The following CYRIA variants were observed in gnomAD, a reference collection of about 807,000 sequenced individuals.
CYRIA encodes CYFIP-related Rac1 interactor A.
Under a neutral mutation model 43.9 loss-of-function variants are expected in CYRIA, and 15 were observed. That is an observed-to-expected ratio of 0.34 (90% CI 0.23 to 0.53). The LOEUF is 0.53. Among genes scored for constraint, CYRIA ranks in the 20% least tolerant of loss-of-function variants. The pLI is 0.94. For synonymous variants in CYRIA, 117 were observed against 136.0 expected (o/e 0.86, Z 0.97); for missense variants, 236 against 394.2 (o/e 0.60, Z 3.40).
chr2:16,646,826 G>C (rs1213312832), intron 1 of CYRIA, among the ~76,000 whole-genome samples: 3 of 152,180 alleles, frequency 2.0e-5, no homozygotes, highest in Non-Finnish European at 4.4e-5. Context: ...GAATTAAAGG[G>C]GGGGGATTTT....
At chr2:16,558,796 A>G (rs1443182674) in intron 10 of CYRIA, among the ~76,000 whole-genome samples, 1 of 151,806 alleles carries the variant, frequency 6.6e-6, no homozygotes, top group Non-Finnish European at 1.5e-5. Context: ...TGTCCTTGTC[A>G]AGAAATTGTC....
At chr2:16,654,980 G>A (rs569499431) in intron 1 of CYRIA, among the ~76,000 whole-genome samples, 3 of 152,280 alleles carry the variant, frequency 2.0e-5, no homozygotes, top group South Asian at 4.1e-4. Context: ...TGAATCTGAG[G>A]TTTAACAGAT....
At chr2:16,631,701 T>C (rs1302409325) in intron 1 of CYRIA, among the ~76,000 whole-genome samples, 1 of 152,254 alleles carries the variant, frequency 6.6e-6, no homozygotes, top group Non-Finnish European at 1.5e-5. Context: ...AGTATCTATT[T>C]GAATTTCAGC....
At chr2:16,629,097 T>C (rs4832470) in intron 1 of CYRIA, among the ~76,000 whole-genome samples, 76,609 of 151,808 alleles carry the variant, frequency 0.5, 20,093 homozygotes, top group East Asian at 0.81. Context: ...GACAAGCAGA[T>C]GGGAAACCAG....
chr2:16,611,350 A>G (rs551506791), intron 2 of CYRIA, among the ~76,000 whole-genome samples: 1 of 152,264 alleles, frequency 6.6e-6, no homozygotes, highest in East Asian at 1.9e-4. Context: ...GGTGACAGAG[A>G]GAGACGCCAT....
intron 3 of CYRIA, among the ~76,000 whole-genome samples, chr2:16,584,995 T>C (rs950119061): frequency 6.6e-6 from 1 of 152,154 alleles, no homozygotes; most frequent in Non-Finnish European, 1.5e-5. Context: ...CTATTGTCCT[T>C]CACTCTAGCC....
intron 2 of CYRIA, among the ~76,000 whole-genome samples, chr2:16,608,168 A>T (rs1668475137): frequency 6.6e-6 from 1 of 152,188 alleles, no homozygotes; most frequent in Admixed American, 6.5e-5. Context: ...AGGACTGGAT[A>T]AGTAGTCACT....
At position 16,593,716 on chromosome 2, in the gene CYRIA, GTGTTTT is replaced by G. The variant is rs1288182675; in HGVS notation, c.-10-5593_-10-5588del. Among the ~76,000 whole-genome samples, 82 of 87,162 alleles carry G rather than the reference GTGTTTT, an allele frequency of 9.4e-4. 1 individual carries two copies. In the South Asian group the frequency reaches 0.015, roughly 16 times the overall value. The allele number at this position is 87,162 out of a possible 152,430, so 57.2% of individuals were successfully genotyped here. On this transcript the variant is annotated intron_variant, in intron 2 of 11. Coordinates refer to ENST00000381323, the MANE Select transcript of CYRIA (RefSeq NM_030797.4). ...TGTGTGTGTTTTTTTTTGTGTGTGT[GTGTTTT>G]TTTTTTTTTTTTTTTTATTATACTC...
intron 1 of CYRIA, among the ~76,000 whole-genome samples, chr2:16,629,916 AC>A (rs1434071486): frequency 6.6e-6 from 1 of 152,168 alleles, no homozygotes; most frequent in Non-Finnish European, 1.5e-5. Flanking sequence ...GTCTGATGCC[AC>A]CCAGCATGCA....
Position 16,559,547 on chromosome 2 carries a change from C to A in CYRIA, c.750G>T (p.Met250Ile). Residue 250 changes from methionine (M) to isoleucine (I), a missense_variant, in exon 10 of 12, where the codon ATG becomes ATT. Physicochemically the swap from Met to Ile is conservative, Grantham distance 10. Coordinates refer to ENST00000381323, the MANE Select transcript of CYRIA (RefSeq NM_030797.4). ...RSRFTSEETL[M>I]FCMRVMVGVI... ...CTCCCACCATCACCCTCATGCAGAA[C>A]ATCAGGGTCTCTTCACTCGTAAACC... The A allele has an allele frequency of 6.2e-7, 1 of 1,613,212 alleles. No homozygotes were observed. The highest frequency in any genetic ancestry group is 8.5e-7 in the Non-Finnish European group (1 of 1,179,432).
At chr2:16,612,605 T>C (rs1468554647) in intron 2 of CYRIA, among the ~76,000 whole-genome samples, 1 of 152,194 alleles carries the variant, frequency 6.6e-6, no homozygotes, top group Non-Finnish European at 1.5e-5. Flanking sequence ...TGCTAGGATG[T>C]GATGGCCAGA....
chr2:16,591,016 AG>A (rs1019253135), intron 2 of CYRIA, among the ~76,000 whole-genome samples: 3 of 152,078 alleles, frequency 2.0e-5, no homozygotes, highest in African/African-American at 7.2e-5. Context: ...TCACTTGGAA[AG>A]GCCTCTCATC....
At chr2:16,562,984 C>G (rs182567793) in intron 5 of CYRIA, among the ~76,000 whole-genome samples, 5 of 152,298 alleles carry the variant, frequency 3.3e-5, no homozygotes, top group South Asian at 2.1e-4. Context: ...GACATCTGCT[C>G]TATGTAGTTC....
intron 2 of CYRIA, among the ~76,000 whole-genome samples, chr2:16,592,010 T>A (rs1667949580): frequency 6.6e-6 from 1 of 152,066 alleles, no homozygotes; most frequent in Non-Finnish European, 1.5e-5. Context: ...AGTTTTCAGA[T>A]CTAAATTCAT....
At chr2:16,626,192 C>T (rs1042238997) in intron 1 of CYRIA, among the ~76,000 whole-genome samples, 1 of 152,076 alleles carries the variant, frequency 6.6e-6, no homozygotes, top group Non-Finnish European at 1.5e-5. Flanking sequence ...TAATACTATT[C>T]ATAGACCCCT....
chr2:16,561,367 A>G, intron 7 of CYRIA, 89 bp downstream of exon 7: 1 of 1,469,568 alleles, frequency 6.8e-7, no homozygotes, highest in African/African-American at 1.4e-5. Flanking sequence ...ACAGACAAGG[A>G]CATTGTCTTC....
intron 1 of CYRIA, among the ~76,000 whole-genome samples, chr2:16,643,528 C>T (rs1485749532): frequency 1.3e-5 from 2 of 152,224 alleles, no homozygotes; most frequent in African/African-American, 4.8e-5. Context: ...TTAAGACACA[C>T]AGTCACGATG....
intron 6 of CYRIA, 116 bp downstream of exon 6, chr2:16,561,889 G>A: frequency 2.1e-6 from 2 of 955,364 alleles, no homozygotes; most frequent in Non-Finnish European, 3.1e-6. Flanking sequence ...CTCTAGGGAA[G>A]GAATTACATC....
At chr2:16,557,788 T>C (rs1666577867) in intron 10 of CYRIA, among the ~76,000 whole-genome samples, 1 of 152,162 alleles carries the variant, frequency 6.6e-6, no homozygotes, top group East Asian at 1.9e-4. Context: ...CTACAAGGCA[T>C]AATTTTACCC....
Sources: gnomAD v4.1 joint callset for allele counts (sites outside exome capture counted in the v4.1 genomes callset) on GRCh38, gnomAD v4.1.1 for gene constraint, MANE v1.5 for transcripts, NCBI Gene and HGNC (gene_info 2026-07-23, HGNC 2026-07-21) for gene names.